Variants in SLC30A8 observed in about 807,000 individuals in gnomAD.
The protein encoded by SLC30A8 is solute carrier family 30 member 8, also known as proton-coupled zinc antiporter SLC30A8.
A neutral mutation model predicts 36.9 loss-of-function variants in SLC30A8; 27 were observed. That is an observed-to-expected ratio of 0.73 (90% CI 0.54 to 1.01). The LOEUF (loss-of-function observed/expected upper bound fraction) is 1.01, where lower values mean the gene tolerates loss of function less well. Among genes scored for constraint, SLC30A8 ranks in the 50% least tolerant of loss-of-function variants. The pLI is 0.00. For missense variants in SLC30A8, 439 were observed against 452.0 expected, an observed-to-expected ratio of 0.97 and a Z score of 0.26; for synonymous variants, 164 against 172.4, an observed-to-expected ratio of 0.95 and a Z score of 0.38.
chr8:117,176,027 A>G lies in SLC30A8; in HGVS notation c.*3346A>G, dbSNP rs1301394641. On this transcript the variant is annotated 3_prime_UTR_variant, in exon 8 of 8. Transcript: ENST00000456015. ...TCCAGTGCAATGAAGGCAAAGTCAT[A>G]GGTCTCCCAAGTCTTACCCCATTCC... 2 of 152,114 alleles carry G rather than the reference A, an allele frequency of 1.3e-5. No homozygotes were observed. Among genetic ancestry groups the G allele is most frequent in the Admixed American group, 1.3e-4 (2 of 15,240 alleles). 9.4% of individuals were successfully genotyped at this position (152,114 alleles called of 1,614,324 possible). A position where few individuals can be genotyped will look rare whatever the true frequency, so the allele number is the denominator to read the frequency against.
intron 2 of SLC30A8, among the ~76,000 whole-genome samples, chr8:117,104,042 C>T (rs893206128): frequency 4.6e-5 from 7 of 152,134 alleles, no homozygotes; most frequent in Non-Finnish European, 7.4e-5. Flanking sequence ...CTGGATACCC[C>T]GTCGCTATTC....
intron 2 of SLC30A8, among the ~76,000 whole-genome samples, chr8:117,071,081 C>T (rs185678148): frequency 2.7e-4 from 41 of 152,238 alleles, no homozygotes; most frequent in Non-Finnish European, 5.1e-4. Context: ...GTTACTGGGT[C>T]ATAGGATAGT....
chr8:117,100,729 T>A (rs1049871167), intron 2 of SLC30A8, among the ~76,000 whole-genome samples: 1 of 152,212 alleles, frequency 6.6e-6, no homozygotes, highest in Non-Finnish European at 1.5e-5. Flanking sequence ...GTTGCCTGTT[T>A]AGAGTAGATA....
intron 2 of SLC30A8, among the ~76,000 whole-genome samples, chr8:117,057,017 C>T (rs1339313702): frequency 6.6e-6 from 1 of 152,106 alleles, no homozygotes; most frequent in Non-Finnish European, 1.5e-5. Context: ...TTGCCTTAGT[C>T]CACTAGGGCT....
At chr8:117,108,493 A>G (rs985987871) in intron 2 of SLC30A8, among the ~76,000 whole-genome samples, 1 of 152,208 alleles carries the variant, frequency 6.6e-6, no homozygotes, top group African/African-American at 2.4e-5. Flanking sequence ...AGATGCCTCC[A>G]ATGCCCAGCC....
At chr8:117,168,346 C>T (rs1823172639) in intron 6 of SLC30A8, among the ~76,000 whole-genome samples, 3 of 152,104 alleles carry the variant, frequency 2.0e-5, no homozygotes, top group South Asian at 4.1e-4. Flanking sequence ...CTTTTCTACT[C>T]TAATAGGTGA....
At chr8:116,994,900 T>C (rs377495119) in intron 1 of SLC30A8, among the ~76,000 whole-genome samples, 2 of 152,128 alleles carry the variant, frequency 1.3e-5, no homozygotes, top group Non-Finnish European at 2.9e-5. Flanking sequence ...AAATTAATTA[T>C]GCATCTGATT....
chr8:117,071,587 G>C (rs1280930998), intron 2 of SLC30A8, among the ~76,000 whole-genome samples: 1 of 151,556 alleles, frequency 6.6e-6, no homozygotes, highest in African/African-American at 2.4e-5. Flanking sequence ...TTCTTTTGTT[G>C]CCTGTGCTTT....
intron 1 of SLC30A8, among the ~76,000 whole-genome samples, chr8:116,978,587 T>C (rs1815139358): frequency 6.6e-6 from 1 of 152,216 alleles, no homozygotes; most frequent in Non-Finnish European, 1.5e-5. Context: ...CCTTTGTCTC[T>C]TTTCTCTCTT....
At chr8:117,035,747 T>C (rs1817193297) in intron 1 of SLC30A8, among the ~76,000 whole-genome samples, 1 of 152,242 alleles carries the variant, frequency 6.6e-6, no homozygotes, top group African/African-American at 2.4e-5. Flanking sequence ...ATACATCCTC[T>C]GAAATCTAGG....
At position 117,171,089 on chromosome 8, in the gene SLC30A8, C is replaced by T. The variant is rs147372406; in HGVS notation, c.885C>T (p.Asp295=). 3.0e-5 allele frequency: 48 copies of T among 1,611,888 alleles called. No homozygotes were observed. Among genetic ancestry groups the T allele is most frequent in the South Asian group, 2.1e-4 (19 of 90,810 alleles). Residue 295 remains aspartate (D), a synonymous_variant, in exon 7 of 8, where the codon GAC becomes GAT. Transcript: ENST00000456015. ...SGVKELILAV[D]GVLSVHSLHI... is the part of the protein sequence containing the mutation. ...TGAAAGAGCTTATTTTAGCAGTCGA[C>T]GGGGTGCTGTCTGTGCACAGCCTGC...
chr8:117,009,639 CTGGGTTTTGTAAAACTTTG>C (rs34103819), intron 1 of SLC30A8, among the ~76,000 whole-genome samples: 52,495 of 152,004 alleles, frequency 0.35, 10,844 homozygotes, highest in South Asian at 0.49. Flanking sequence ...TGAAGGCAGG[CTGGGTTTTGTAAAACTTTG>C]TAAAGGAGAA....
At chr8:117,143,722 A>G (rs1446557894) in intron 1 of SLC30A8, among the ~76,000 whole-genome samples, 2 of 150,922 alleles carry the variant, frequency 1.3e-5, no homozygotes, top group African/African-American at 4.9e-5. Context: ...ATCGTATACA[A>G]TTCCAATGGA....
intron 1 of SLC30A8, among the ~76,000 whole-genome samples, chr8:117,140,890 G>T (rs1472561777): frequency 6.6e-6 from 1 of 151,998 alleles, no homozygotes; most frequent in East Asian, 1.9e-4. Context: ...CCTCTTAACA[G>T]ATTTAATAGT....
At chr8:117,082,451 G>T (rs1326994730) in intron 2 of SLC30A8, among the ~76,000 whole-genome samples, 2 of 152,172 alleles carry the variant, frequency 1.3e-5, no homozygotes, top group African/African-American at 4.8e-5. Context: ...CAGTGTAGTG[G>T]TCTTGGCTGA....
At chr8:117,026,866 A>G (rs138775405) in intron 1 of SLC30A8, among the ~76,000 whole-genome samples, 14 of 152,324 alleles carry the variant, frequency 9.2e-5, no homozygotes, top group African/African-American at 2.2e-4. Flanking sequence ...CCTGGGATCT[A>G]TAGAGATTAG....
chr8:117,020,016 A>G (rs1376870913), intron 1 of SLC30A8, among the ~76,000 whole-genome samples: 3 of 152,182 alleles, frequency 2.0e-5, no homozygotes, highest in Non-Finnish European at 4.4e-5. Flanking sequence ...GGCAGGTAAG[A>G]AAAGGCACAG....
At chr8:117,095,243 G>A (rs1162144210) in intron 2 of SLC30A8, among the ~76,000 whole-genome samples, 1 of 152,196 alleles carries the variant, frequency 6.6e-6, no homozygotes, top group East Asian at 1.9e-4. Flanking sequence ...TGCTCTAGAT[G>A]GGCCGCTGCT....
chr8:117,143,665 A>AACACACACACACACACACACACACAC (rs58613241), intron 1 of SLC30A8, among the ~76,000 whole-genome samples: 1 of 146,190 alleles, frequency 6.8e-6, no homozygotes, highest in African/African-American at 2.5e-5. Flanking sequence ...TCTCCCATAA[A>AACACACACACACACACACACACACAC]ACACACACAC....
Sources: gnomAD v4.1 joint callset for allele counts (sites outside exome capture counted in the v4.1 genomes callset) on GRCh38, gnomAD v4.1.1 for gene constraint, MANE v1.5 for transcripts, NCBI Gene and HGNC (gene_info 2026-07-23, HGNC 2026-07-21) for gene names.